Variants in CLOCK observed in about 807,000 individuals in gnomAD.
CLOCK encodes clock circadian regulator.
In CLOCK, 43 loss-of-function variants were observed where a neutral mutation model predicts 118.4. That is an observed-to-expected ratio of 0.36 (90% CI 0.28 to 0.47). The LOEUF (loss-of-function observed/expected upper bound fraction) is 0.47, where lower values mean the gene tolerates loss of function less well. CLOCK is among the 20% of genes least tolerant of loss of function. The pLI is 1.00. For synonymous variants in CLOCK, 326 were observed against 339.2 expected (o/e 0.96, Z 0.43); for missense variants, 846 against 999.9 (o/e 0.85, Z 2.08).
rs869260899 is a variant in CLOCK, at chr4:55,539,255, CAAA to C, written c.-290+7524_-290+7526del. Among the ~76,000 whole-genome samples the C allele has an allele frequency of 2.6e-3, 345 of 134,660 alleles. No individual in the cohort carries two copies. The Middle Eastern group carries it at 0.026, about 10-fold the overall frequency. The allele number at this position is 134,660 out of a possible 152,430, so 88.3% of individuals were successfully genotyped here. ...CTCAAAAAAACAACAACAACAACAACAAAAAAAACACCAAAAACCACTTCAAAA... is the reference window on the plus strand; with the variant it reads ...CTCAAAAAAACAACAACAACAACAACAAAAACACCAAAAACCACTTCAAAA... On this transcript the variant is annotated intron_variant, in intron 1 of 22. Transcript: ENST00000513440.
intron 1 of CLOCK, among the ~76,000 whole-genome samples, chr4:55,524,934 TA>T (rs139559391): frequency 0.32 from 47,208 of 149,710 alleles, 7,590 homozygotes; most frequent in Middle Eastern, 0.42. Context: ...GCAAAAATCT[TA>T]AAAAAAAAAA....
intron 13 of CLOCK, among the ~76,000 whole-genome samples, chr4:55,454,773 T>C (rs574486478): frequency 1.3e-5 from 2 of 152,226 alleles, no homozygotes; most frequent in South Asian, 2.1e-4. Flanking sequence ...TCCTTGACTA[T>C]AAAGTCTTTT....
intron 2 of CLOCK, among the ~76,000 whole-genome samples, chr4:55,509,510 G>C (rs753225075): frequency 3.3e-5 from 5 of 152,186 alleles, no homozygotes; most frequent in Non-Finnish European, 7.3e-5. Context: ...TGCTTGTAAA[G>C]AGGAGCTGCA....
rs753628139 is a variant in CLOCK, at chr4:55,429,753, CAAAG to C, written c.*5658_*5661del. 2 of 152,140 alleles carry C rather than the reference CAAAG, an allele frequency of 1.3e-5. No individual in the cohort carries two copies. Among genetic ancestry groups the C allele is most frequent in the Non-Finnish European group, 2.9e-5 (2 of 68,016 alleles). 9.4% of individuals were successfully genotyped at this position (152,140 alleles called of 1,614,324 possible). On this transcript the variant is annotated 3_prime_UTR_variant, in exon 23 of 23. Transcript: ENST00000513440. The stretch of plus-strand genomic sequence containing the variant: ...AATCACACAAAAAGTGCCCATAAAA[CAAAG>C]AAGGCAGCAAGTGAAACTAGAAAAA...
At chr4:55,459,955 A>G (rs1166062249) in intron 9 of CLOCK, among the ~76,000 whole-genome samples, 1 of 152,208 alleles carries the variant, frequency 6.6e-6, no homozygotes, top group Non-Finnish European at 1.5e-5. Flanking sequence ...CACCTGGCCA[A>G]GGGTCCTTAC....
chr4:55,516,348 G>C (rs1257156773), intron 1 of CLOCK, among the ~76,000 whole-genome samples: 1 of 152,140 alleles, frequency 6.6e-6, no homozygotes, highest in Non-Finnish European at 1.5e-5. Flanking sequence ...TTGCAGTTCT[G>C]TTTTTGCCTC....
chr4:55,497,415 C>A (rs1381477119), intron 2 of CLOCK, among the ~76,000 whole-genome samples: 1 of 152,146 alleles, frequency 6.6e-6, no homozygotes, highest in Non-Finnish European at 1.5e-5. Context: ...TGTACCCTAA[C>A]ATAGTGGCAG....
intron 18 of CLOCK, among the ~76,000 whole-genome samples, chr4:55,447,808 T>C (rs1284364486): frequency 6.6e-6 from 1 of 152,166 alleles, no homozygotes; most frequent in Non-Finnish European, 1.5e-5. Context: ...TTAATGATCA[T>C]TCCTTGAAAT....
chr4:55,441,252 A>T (rs1051140624), intron 21 of CLOCK, among the ~76,000 whole-genome samples: 2 of 152,206 alleles, frequency 1.3e-5, no homozygotes, highest in Non-Finnish European at 2.9e-5. Flanking sequence ...GGCCATTACT[A>T]AAAAGTCAAA....
At chr4:55,435,873 TCTTTCA>T (rs1295646515) in intron 22 of CLOCK, among the ~76,000 whole-genome samples, 1 of 152,218 alleles carries the variant, frequency 6.6e-6, no homozygotes, top group Non-Finnish European at 1.5e-5. Flanking sequence ...TCACACACGT[TCTTTCA>T]CTTTATGTCC....
intron 1 of CLOCK, among the ~76,000 whole-genome samples, chr4:55,536,924 C>T (rs1017011949): frequency 2.0e-5 from 3 of 152,120 alleles, no homozygotes; most frequent in Non-Finnish European, 4.4e-5. Context: ...AAACACTCCA[C>T]CTAACAACAA....
In CLOCK at chr4:55,441,074, T is replaced by C. The variant is rs368817428; in HGVS notation, c.2105+1358A>G. Among the ~76,000 whole-genome samples the C allele has an allele frequency of 2.5e-4, 38 of 152,346 alleles. 1 individual carries two copies. In the South Asian group the frequency reaches 6.6e-3, roughly 27 times the overall value. Reference sequence around the variant, plus strand: ...CAAACAATACCGATTTATCTTTCTATTGCTTTTACTAGTTTGGTCTTTCCC... The same window carrying C: ...CAAACAATACCGATTTATCTTTCTACTGCTTTTACTAGTTTGGTCTTTCCC... On this transcript the variant is annotated intron_variant, in intron 21 of 22. Transcript: ENST00000513440.
chr4:55,512,802 T>C (rs917142255), intron 1 of CLOCK, among the ~76,000 whole-genome samples: 9 of 152,220 alleles, frequency 5.9e-5, no homozygotes, highest in Non-Finnish European at 1.2e-4. Flanking sequence ...CGGTACCATT[T>C]GTTGAAAACT....
chr4:55,506,982 C>T (rs1728843791), intron 2 of CLOCK, among the ~76,000 whole-genome samples: 1 of 152,064 alleles, frequency 6.6e-6, no homozygotes, highest in South Asian at 2.1e-4. Flanking sequence ...TCAATTTATA[C>T]AAATAAATTT....
intron 8 of CLOCK, among the ~76,000 whole-genome samples, chr4:55,464,545 T>G (rs1398250385): frequency 6.6e-6 from 1 of 152,178 alleles, no homozygotes; most frequent in Non-Finnish European, 1.5e-5. Flanking sequence ...AACTGCTCTG[T>G]GGAATCCTAG....
intron 3 of CLOCK, among the ~76,000 whole-genome samples, chr4:55,487,025 T>C (rs935222025): frequency 6.6e-5 from 10 of 152,186 alleles, no homozygotes; most frequent in African/African-American, 2.4e-4. Flanking sequence ...TCTCTACCAT[T>C]TTCCATTTCT....
chr4:55,513,677 A>AT (rs1162406191), intron 1 of CLOCK, among the ~76,000 whole-genome samples: 1 of 152,122 alleles, frequency 6.6e-6, no homozygotes, highest in African/African-American at 2.4e-5. Flanking sequence ...CAGTTTGTTA[A>AT]TATCTACAAC....
chr4:55,478,379 C>A (rs1726681807), intron 6 of CLOCK, among the ~76,000 whole-genome samples: 1 of 152,116 alleles, frequency 6.6e-6, no homozygotes, highest in Admixed American at 6.5e-5. Flanking sequence ...GCTTCAGTGA[C>A]AATGAAGTCT....
At chr4:55,448,737 A>T in intron 18 of CLOCK, 42 bp downstream of exon 18, 1 of 1,505,310 alleles carries the variant, frequency 6.6e-7, no homozygotes, top group Non-Finnish European at 9.2e-7. Context: ...AAAGCAATTT[A>T]TCATATTCAA....
Sources: gnomAD v4.1 joint callset for allele counts (sites outside exome capture counted in the v4.1 genomes callset) on GRCh38, gnomAD v4.1.1 for gene constraint, MANE v1.5 for transcripts, NCBI Gene and HGNC (gene_info 2026-07-23, HGNC 2026-07-21) for gene names.